LEPR: variants seen among roughly 807,000 people sequenced by gnomAD.
LEPR encodes OB receptor.
Under a neutral mutation model 114.7 loss-of-function variants are expected in LEPR, and 56 were observed. That is an observed-to-expected ratio of 0.49 (90% CI 0.39 to 0.61). The LOEUF (loss-of-function observed/expected upper bound fraction) is 0.61, where lower values mean the gene tolerates loss of function less well. Among genes scored for constraint, LEPR ranks in the 20% least tolerant of loss-of-function variants. LEPR has a pLI of 0.00. For missense variants in LEPR, 1,202 were observed against 1,352.9 expected (o/e 0.89, Z 1.75); for synonymous variants, 443 against 461.4 (o/e 0.96, Z 0.51).
At chr1:65,468,925 G>A (rs1460594094) in intron 2 of LEPR, among the ~76,000 whole-genome samples, 1 of 152,216 alleles carries the variant, frequency 6.6e-6, no homozygotes, top group Non-Finnish European at 1.5e-5. Flanking sequence ...CTGCTGCTCT[G>A]TTCAGTGCCG....
chr1:65,588,597 A>AT (rs1655477599), intron 5 of LEPR, among the ~76,000 whole-genome samples: 1 of 151,652 alleles, frequency 6.6e-6, no homozygotes, highest in Non-Finnish European at 1.5e-5. Flanking sequence ...TCCTCCTCCC[A>AT]CCCCACCTCT....
chr1:65,473,631 C>T (rs1345406257), intron 2 of LEPR, among the ~76,000 whole-genome samples: 4 of 152,124 alleles, frequency 2.6e-5, no homozygotes, highest in African/African-American at 4.8e-5. Context: ...CTGTCAGATT[C>T]GGGGCATTTT....
At chr1:65,437,244 C>G (rs527287586) in intron 2 of LEPR, among the ~76,000 whole-genome samples, 1 of 152,178 alleles carries the variant, frequency 6.6e-6, no homozygotes, top group Admixed American at 6.5e-5. Flanking sequence ...TTGCTCAGCT[C>G]TTTAATAAAA....
chr1:65,564,695 G>A (rs1248437399), intron 2 of LEPR, among the ~76,000 whole-genome samples: 2 of 152,312 alleles, frequency 1.3e-5, no homozygotes, highest in East Asian at 3.9e-4. Flanking sequence ...CCATCTAACA[G>A]TCTGATTTGT....
chr1:65,555,603 G>A (rs1652760462), intron 2 of LEPR, among the ~76,000 whole-genome samples: 1 of 152,102 alleles, frequency 6.6e-6, no homozygotes, highest in Admixed American at 6.5e-5. Context: ...TTGGAAGTGG[G>A]CACAGGGGTC....
chr1:65,526,065 C>A (rs1000929103), intron 2 of LEPR: 19 of 960,968 alleles, frequency 2.0e-5, no homozygotes, highest in Non-Finnish European at 2.4e-5. Flanking sequence ...GGACACACGG[C>A]TGACAGCAGC....
intron 8 of LEPR, among the ~76,000 whole-genome samples, chr1:65,601,066 C>T (rs886708091): frequency 6.6e-6 from 1 of 151,936 alleles, no homozygotes; most frequent in African/African-American, 2.4e-5. Flanking sequence ...TTGAATTAAG[C>T]TATATTTTGT....
chr1:65,602,492 C>G (rs1335687289), intron 10 of LEPR, among the ~76,000 whole-genome samples: 3 of 151,862 alleles, frequency 2.0e-5, no homozygotes, highest in Non-Finnish European at 4.4e-5. Context: ...TTTTACTCTT[C>G]TATGTTTTAA....
chr1:65,607,467 G>T (rs2100958603), intron 11 of LEPR, among the ~76,000 whole-genome samples: 1 of 152,310 alleles, frequency 6.6e-6, no homozygotes, highest in South Asian at 2.1e-4. Flanking sequence ...AGCAGTTCTG[G>T]AGGAGATATT....
chr1:65,565,006 C>G (rs1462083779), intron 2 of LEPR, among the ~76,000 whole-genome samples: 1 of 152,086 alleles, frequency 6.6e-6, no homozygotes, highest in Non-Finnish European at 1.5e-5. Flanking sequence ...CCAATATTAC[C>G]TCATCTGCAA....
At position 65,565,471 on chromosome 1, in the gene LEPR, T is replaced by G. The variant is rs944390816; in HGVS notation, c.-20-75T>G. On this transcript the variant is annotated intron_variant, in intron 2 of 19. Transcript: ENST00000349533. Reference sequence around the variant, plus strand: ...CTTATCTATAATCCCTTTCCTTTTATGTTTTCCACAGACAACTTATATATA... The same window carrying G: ...CTTATCTATAATCCCTTTCCTTTTAGGTTTTCCACAGACAACTTATATATA... 1.1e-5 allele frequency: 16 copies of G among 1,427,142 alleles called. No homozygotes were observed. The African/African-American group carries it at 2.0e-4, about 18-fold the overall frequency. 88.4% of individuals were successfully genotyped at this position (1,427,142 alleles called of 1,614,324 possible).
rs1466403169 is a variant in LEPR, at chr1:65,638,772, T to C, written c.*1757T>C. The C allele has an allele frequency of 6.6e-6, 1 of 152,284 alleles. No homozygotes were observed. Among genetic ancestry groups the C allele is most frequent in the Non-Finnish European group, 1.5e-5 (1 of 68,016 alleles). 9.4% of individuals were successfully genotyped at this position (152,284 alleles called of 1,614,324 possible). Reference sequence around the variant, plus strand: ...TCACATACTCAACTAATGACCCCCTTACAAGAAATAGGTAAAGGGCTGATA... The same window carrying C: ...TCACATACTCAACTAATGACCCCCTCACAAGAAATAGGTAAAGGGCTGATA... On this transcript the variant is annotated 3_prime_UTR_variant, in exon 20 of 20. Transcript: ENST00000349533.
intron 2 of LEPR, among the ~76,000 whole-genome samples, chr1:65,547,143 C>T (rs376335493): frequency 0.73 from 109,939 of 150,540 alleles, 41,355 homozygotes; most frequent in Middle Eastern, 0.89. Flanking sequence ...AGCCTTGCAT[C>T]CCAGGGATGA....
Position 65,425,354 on chromosome 1 carries a change from T to G in LEPR, c.-45T>G. 6.2e-7 allele frequency: 1 copy of G among 1,606,266 alleles called. No homozygotes were observed. Among genetic ancestry groups the G allele is most frequent in the South Asian group, 1.1e-5 (1 of 89,200 alleles). On this transcript the variant is annotated 5_prime_UTR_variant, in exon 2 of 20. Transcript: ENST00000349533. ...GCTATTGGACTGACTTTTCTTATGCTGGGATGTGCCTTAGAGGATTATGGG... is the reference window on the plus strand; with the variant it reads ...GCTATTGGACTGACTTTTCTTATGCGGGGATGTGCCTTAGAGGATTATGGG...
intron 14 of LEPR, among the ~76,000 whole-genome samples, chr1:65,614,965 A>C (rs901104113): frequency 3.3e-5 from 5 of 152,134 alleles, no homozygotes; most frequent in Non-Finnish European, 7.4e-5. Context: ...CCAGAAAGTA[A>C]GGAAGCTTAA....
chr1:65,574,962 G>A (rs773080891), intron 5 of LEPR, among the ~76,000 whole-genome samples: 2 of 152,174 alleles, frequency 1.3e-5, no homozygotes, highest in African/African-American at 4.8e-5. Flanking sequence ...GGACCCGGAA[G>A]AGCTGATCTT....
In LEPR at chr1:65,621,459, G is replaced by T. The variant is rs1474810899; in HGVS notation, c.2597+1G>T. ...GAACATTATTAATATCACACCAAAG[G>T]TATTGTACTTGAGGTTAAGAATCTT... On this transcript the variant is annotated splice_donor_variant, in intron 18 of 19. Transcript: ENST00000349533. LOFTEE classifies it high-confidence loss of function. 1 of 1,610,630 alleles carries T rather than the reference G, an allele frequency of 6.2e-7. No homozygotes were observed. Among genetic ancestry groups the T allele is most frequent in the Non-Finnish European group, 8.5e-7 (1 of 1,177,390 alleles).
chr1:65,546,202 T>A (rs1261467415), intron 2 of LEPR, among the ~76,000 whole-genome samples: 1 of 152,226 alleles, frequency 6.6e-6, no homozygotes, highest in African/African-American at 2.4e-5. Flanking sequence ...GCTGTTTTGG[T>A]TACTGTAGCC....
intron 1 of LEPR, among the ~76,000 whole-genome samples, chr1:65,423,335 C>CT (rs1222428900): frequency 6.6e-6 from 1 of 151,814 alleles, no homozygotes; most frequent in Non-Finnish European, 1.5e-5. Context: ...TCAACTCCAA[C>CT]TTTAAGAGAT....
Sources: allele counts gnomAD v4.1 joint callset (sites outside exome capture counted in the v4.1 genomes callset), GRCh38; gene constraint gnomAD v4.1.1; transcripts MANE v1.5; gene names NCBI Gene and HGNC (gene_info 2026-07-23, HGNC 2026-07-21).